The following RORA variants were observed in gnomAD, a reference collection of about 807,000 sequenced individuals.
RORA encodes nuclear receptor ROR-alpha.
Under a neutral mutation model 69.5 loss-of-function variants are expected in RORA, and 7 were observed. The observed-to-expected ratio is 0.10, with a 90% confidence interval of 0.06 to 0.19. The LOEUF is 0.19. RORA is among the 10% of genes least tolerant of loss of function. The pLI is 1.00. For synonymous variants in RORA, 261 were observed against 240.8 expected (o/e 1.08, Z -0.78); for missense variants, 457 against 663.0 (o/e 0.69, Z 3.41).
chr15:60,518,012 A>G (rs371414828), intron 3 of RORA, among the ~76,000 whole-genome samples: 3 of 151,874 alleles, frequency 2.0e-5, no homozygotes, highest in South Asian at 4.2e-4. Flanking sequence ...ATCCTTTCCA[A>G]TTTCTTCACT....
intron 1 of RORA, among the ~76,000 whole-genome samples, chr15:61,167,482 ATTTTTTTTTT>A (rs199752865): frequency 3.7e-5 from 5 of 133,682 alleles, no homozygotes; most frequent in African/African-American, 1.1e-4. Context: ...TTTGACCAGG[ATTTTTTTTTT>A]TTTTTTTTTT....
chr15:61,049,947 C>G (rs1369649275), intron 1 of RORA, among the ~76,000 whole-genome samples: 1 of 152,342 alleles, frequency 6.6e-6, no homozygotes, highest in South Asian at 2.1e-4. Flanking sequence ...GTGTGAGCCA[C>G]GGCACTCGGC....
intron 1 of RORA, among the ~76,000 whole-genome samples, chr15:60,996,125 C>T (rs915538634): frequency 1.3e-5 from 2 of 150,664 alleles, no homozygotes; most frequent in Non-Finnish European, 2.9e-5. Flanking sequence ...GGCTGCAGTA[C>T]AGTGGTGAGA....
intron 1 of RORA, among the ~76,000 whole-genome samples, chr15:61,201,661 T>C (rs1458224533): frequency 2.0e-5 from 3 of 152,220 alleles, no homozygotes; most frequent in Non-Finnish European, 4.4e-5. Flanking sequence ...TCAGAAGTTT[T>C]CACACCACTT....
At chr15:60,667,950 TTA>T (rs2070404241) in intron 2 of RORA, among the ~76,000 whole-genome samples, 1 of 152,016 alleles carries the variant, frequency 6.6e-6, no homozygotes, top group African/African-American at 2.4e-5. Flanking sequence ...TTTTTTTTTT[TTA>T]AATTTAATTC....
intron 1 of RORA, among the ~76,000 whole-genome samples, chr15:60,886,746 T>C (rs566319229): frequency 6.6e-6 from 1 of 152,352 alleles, no homozygotes; most frequent in East Asian, 1.9e-4. Flanking sequence ...AAGACATTAC[T>C]AAAAGGACTG....
At chr15:60,502,574 T>C (rs2065364755) in intron 8 of RORA, among the ~76,000 whole-genome samples, 186 bp downstream of exon 8, 1 of 152,200 alleles carries the variant, frequency 6.6e-6, no homozygotes, top group Non-Finnish European at 1.5e-5. Flanking sequence ...ACAAGTAATG[T>C]AGACAAAAAA....
At chr15:61,194,708 C>T (rs969901195) in intron 1 of RORA, among the ~76,000 whole-genome samples, 2 of 152,102 alleles carry the variant, frequency 1.3e-5, no homozygotes, top group South Asian at 2.1e-4. Context: ...AAAGGGCTTC[C>T]TGAACCTTAT....
At chr15:61,132,830 A>G (rs1440761585) in intron 1 of RORA, among the ~76,000 whole-genome samples, 1 of 152,194 alleles carries the variant, frequency 6.6e-6, no homozygotes, top group East Asian at 1.9e-4. Context: ...TGCTTGGTAC[A>G]TTTATATGAT....
intron 1 of RORA, among the ~76,000 whole-genome samples, chr15:60,758,710 C>G (rs144683989): frequency 1.3e-5 from 2 of 152,106 alleles, no homozygotes; most frequent in African/African-American, 4.8e-5. Flanking sequence ...TCCCTGCCAT[C>G]GGTACATAAG....
intron 1 of RORA, among the ~76,000 whole-genome samples, chr15:60,692,370 A>T (rs2070840468): frequency 6.6e-6 from 1 of 152,142 alleles, no homozygotes; most frequent in Non-Finnish European, 1.5e-5. Context: ...CTTGACTAAT[A>T]CTCTTTTGGA....
intron 1 of RORA, among the ~76,000 whole-genome samples, chr15:60,706,631 T>C (rs955286715): frequency 6.6e-6 from 1 of 152,184 alleles, no homozygotes; most frequent in Non-Finnish European, 1.5e-5. Flanking sequence ...ATTTCACTTT[T>C]AAACATTCCA....
chr15:60,658,141 C>T (rs958351734), intron 2 of RORA, among the ~76,000 whole-genome samples: 8 of 151,620 alleles, frequency 5.3e-5, no homozygotes, highest in South Asian at 2.1e-4. Flanking sequence ...AGTGCAGTGG[C>T]GTGATCTCGG....
chr15:60,899,244 C>A (rs1260844128), intron 1 of RORA, among the ~76,000 whole-genome samples: 1 of 152,196 alleles, frequency 6.6e-6, no homozygotes, highest in Non-Finnish European at 1.5e-5. Context: ...ACTGCATATA[C>A]CAGTTTCAAA....
chr15:61,005,340 C>T (rs188195700), intron 1 of RORA, among the ~76,000 whole-genome samples: 42 of 152,152 alleles, frequency 2.8e-4, no homozygotes, highest in Admixed American at 1.0e-3. Flanking sequence ...AATAGCCAGT[C>T]GTGGTGGCAG....
chr15:61,095,127 G>A (rs910309467), intron 1 of RORA, among the ~76,000 whole-genome samples: 2 of 152,188 alleles, frequency 1.3e-5, no homozygotes, highest in Non-Finnish European at 2.9e-5. Context: ...GTGTAAAGCT[G>A]TAATCAGGGA....
At position 61,147,990 on chromosome 15, in the gene RORA, GA is replaced by G. The variant is rs1292370984; in HGVS notation, c.166+81062del. On this transcript the variant is annotated intron_variant, in intron 1 of 10. Transcript: ENST00000335670. The surrounding 1 kb of genome is among the most constrained non-coding windows in gnomAD (Gnocchi z 4.1). Reference sequence around the variant, plus strand: ...AGGGGACTTGAAACAAAGGGTGACAGAAACTGTTTTGCTTCCAGAAGGATCA... The same window carrying G: ...AGGGGACTTGAAACAAAGGGTGACAGAACTGTTTTGCTTCCAGAAGGATCA... Among the ~76,000 whole-genome samples the G allele has an allele frequency of 6.6e-6, 1 of 152,306 alleles. No homozygotes were observed. The highest frequency in any genetic ancestry group is 1.5e-5 in the Non-Finnish European group (1 of 68,032).
chr15:60,834,237 G>C (rs546470781), intron 1 of RORA, among the ~76,000 whole-genome samples: 20 of 152,324 alleles, frequency 1.3e-4, no homozygotes, highest in South Asian at 2.1e-4. Context: ...TCAAACCCCA[G>C]TTCAGGGGCA....
intron 1 of RORA, among the ~76,000 whole-genome samples, chr15:60,763,346 C>A (rs192478423): frequency 3.2e-4 from 48 of 152,072 alleles, no homozygotes; most frequent in African/African-American, 1.1e-3. Context: ...TTAACCGGTC[C>A]TTGGACAAAT....
Sources: gnomAD v4.1 joint callset for allele counts (sites outside exome capture counted in the v4.1 genomes callset) on GRCh38, gnomAD v4.1.1 for gene constraint, Gnocchi (gnomAD v3.1) non-coding constraint, MANE v1.5 for transcripts, NCBI Gene and HGNC (gene_info 2026-07-23, HGNC 2026-07-21) for gene names.